The following CACNB2 variants were observed in gnomAD, a reference collection of about 807,000 sequenced individuals.
CACNB2 encodes calcium voltage-gated channel auxiliary subunit beta 2.
Under a neutral mutation model 73.3 loss-of-function variants are expected in CACNB2, and 42 were observed. The ratio of observed to expected loss-of-function variants is 0.57; its 90% CI spans 0.45 to 0.74. CACNB2 has a LOEUF of 0.74. Ranked by LOEUF, CACNB2 falls within the 30% of genes least tolerant of loss-of-function variation. The pLI is 0.00. For missense variants in CACNB2, 940 were observed against 853.0 expected (o/e 1.10, Z -1.27); for synonymous variants, 348 against 310.3 (o/e 1.12, Z -1.28).
Position 18,150,880 on chromosome 10 carries a change from T to TTTTTTTTTTTTTTGA in CACNB2, c.121-3_121-2insTTTTTTTTTTTTTGA. Reference sequence around the variant, plus strand: ...CTTTTTTTTTTTTTTTTTTTTTTTTTAGTCATATGGAAAAGGAGCCAGAAG... The same window carrying TTTTTTTTTTTTTTGA: ...CTTTTTTTTTTTTTTTTTTTTTTTTTTTTTTTTTTTTTTGAAGTCATATGGAAAAGGAGCCAGAAG... On this transcript the variant is annotated splice_polypyrimidine_tract_variant and splice_region_variant and intron_variant, in intron 1 of 13. Coordinates refer to ENST00000324631, the MANE Select transcript of CACNB2 (RefSeq NM_201596.3). The TTTTTTTTTTTTTTGA allele has an allele frequency of 1.5e-6, 2 of 1,300,364 alleles. No homozygotes were observed. The highest frequency in any genetic ancestry group is 2.1e-6 in the Non-Finnish European group (2 of 943,296). The allele number at this position is 1,300,364 out of a possible 1,614,324, so 80.6% of individuals were successfully genotyped here.
At chr10:18,527,040 G>C (rs1278160886) in intron 9 of CACNB2, among the ~76,000 whole-genome samples, 1 of 152,206 alleles carries the variant, frequency 6.6e-6, no homozygotes, top group African/African-American at 2.4e-5. Flanking sequence ...AAAGTGCTCA[G>C]TACTTATCTG....
intron 2 of CACNB2, among the ~76,000 whole-genome samples, chr10:18,191,926 A>C (rs934420745): frequency 2.0e-5 from 3 of 152,076 alleles, no homozygotes; most frequent in Non-Finnish European, 4.4e-5. Context: ...TTTTAATATA[A>C]TGTCTTCTTT....
intron 2 of CACNB2, among the ~76,000 whole-genome samples, chr10:18,381,480 G>GA (rs113722239): frequency 0.03 from 4,532 of 152,084 alleles, 92 homozygotes; most frequent in African/African-American, 0.048. Flanking sequence ...CCGGAGGTCA[G>GA]GAGTCAAGAC....
intron 2 of CACNB2, among the ~76,000 whole-genome samples, chr10:18,396,371 G>A (rs901614208): frequency 2.0e-5 from 3 of 152,200 alleles, no homozygotes; most frequent in African/African-American, 7.2e-5. Context: ...GAAAAGAGAT[G>A]ACAACACCAT....
chr10:18,483,359 C>T (rs2048887406), intron 3 of CACNB2, among the ~76,000 whole-genome samples: 1 of 151,744 alleles, frequency 6.6e-6, no homozygotes, highest in South Asian at 2.1e-4. Flanking sequence ...GGTGAAACCC[C>T]GTTTCTACTA....
intron 3 of CACNB2, among the ~76,000 whole-genome samples, chr10:18,449,531 C>T (rs1002455320): frequency 1.3e-5 from 2 of 152,190 alleles, no homozygotes; most frequent in African/African-American, 2.4e-5. Context: ...TGCTAAGAAC[C>T]GTAGATACTT....
At chr10:18,194,292 C>T (rs1248394561) in intron 2 of CACNB2, among the ~76,000 whole-genome samples, 4 of 152,108 alleles carry the variant, frequency 2.6e-5, no homozygotes, top group Non-Finnish European at 4.4e-5. Context: ...AAATTAGGCC[C>T]CTAGGGCTGT....
At chr10:18,288,712 C>A (rs2038915380) in intron 2 of CACNB2, among the ~76,000 whole-genome samples, 1 of 151,708 alleles carries the variant, frequency 6.6e-6, no homozygotes, top group Non-Finnish European at 1.5e-5. Flanking sequence ...CACAGAGATA[C>A]CCAGTAGATG....
At chr10:18,392,466 A>C (rs1413808378) in intron 2 of CACNB2, among the ~76,000 whole-genome samples, 1 of 152,140 alleles carries the variant, frequency 6.6e-6, no homozygotes, top group Non-Finnish European at 1.5e-5. Context: ...GGTAGGAGGA[A>C]TAGGAGGAAG....
intron 3 of CACNB2, among the ~76,000 whole-genome samples, chr10:18,488,251 G>A (rs1404680129): frequency 2.0e-5 from 3 of 151,146 alleles, no homozygotes; most frequent in African/African-American, 7.3e-5. Context: ...CGAGGTGGGC[G>A]GATCACGAGG....
At chr10:18,509,681 T>C (rs1174640545) in intron 6 of CACNB2, among the ~76,000 whole-genome samples, 2 of 152,028 alleles carry the variant, frequency 1.3e-5, no homozygotes, top group African/African-American at 4.8e-5. Flanking sequence ...TCCCAGCTAC[T>C]TGGGAGGCTG....
At chr10:18,400,461 G>T in intron 2 of CACNB2, 1 of 436,332 alleles carries the variant, frequency 2.3e-6, no homozygotes, top group South Asian at 9.4e-5. Flanking sequence ...GATGTAAAAT[G>T]GCAATTTGAC....
rs150539513 is a variant in CACNB2 at position 18,225,302 on chromosome 10, C to T, written c.213+74327C>T. ...GGGCTAAGCAGCTTAAAAACCACAC[C>T]ACTCACTTCCAGTTTATTAAGTCCC... On this transcript the variant is annotated intron_variant, in intron 2 of 13. Coordinates refer to ENST00000324631, the MANE Select transcript of CACNB2 (RefSeq NM_201596.3). 4.4e-3 allele frequency among the ~76,000 whole-genome samples: 662 copies of T among 152,138 alleles called. 3 individuals are homozygous for T. The highest frequency in any genetic ancestry group is 0.015 in the African/African-American group (633 of 41,510).
At chr10:18,508,024 C>T (rs1323343508) in intron 6 of CACNB2, among the ~76,000 whole-genome samples, 1 of 152,090 alleles carries the variant, frequency 6.6e-6, no homozygotes, top group Non-Finnish European at 1.5e-5. Flanking sequence ...GATCCTCCTC[C>T]TCAGCCTCCC....
In CACNB2 at chr10:18,366,997, A is replaced by G. The variant is rs534562039; in HGVS notation, c.214-34927A>G. On this transcript the variant is annotated intron_variant, in intron 2 of 13. Coordinates refer to ENST00000324631, the MANE Select transcript of CACNB2 (RefSeq NM_201596.3). ...CTGTCATAATGCACTTGAACTTCCT[A>G]TGAAAGGATTTCTTAGCGGACATGC... Among the ~76,000 whole-genome samples, 39 of 152,330 alleles carry G rather than the reference A, an allele frequency of 2.6e-4. No individual in the cohort carries two copies. The South Asian group carries it at 6.8e-3, about 27-fold the overall frequency.
chr10:18,349,934 CTAT>C (rs1321156807), intron 2 of CACNB2, among the ~76,000 whole-genome samples: 1 of 152,082 alleles, frequency 6.6e-6, no homozygotes, highest in Non-Finnish European at 1.5e-5. Flanking sequence ...TGCTTTATAT[CTAT>C]TATTATTATT....
intron 2 of CACNB2, among the ~76,000 whole-genome samples, chr10:18,330,067 C>T (rs938361611): frequency 6.6e-6 from 1 of 152,194 alleles, no homozygotes; most frequent in Non-Finnish European, 1.5e-5. Flanking sequence ...TCTTGAACTC[C>T]TGACCTCAAG....
At chr10:18,163,905 C>T (rs572807669) in intron 2 of CACNB2, among the ~76,000 whole-genome samples, 1 of 152,184 alleles carries the variant, frequency 6.6e-6, no homozygotes, top group African/African-American at 2.4e-5. Context: ...AGAAGCAGTG[C>T]TTTCACTCAT....
At chr10:18,310,492 C>A (rs2039915599) in intron 2 of CACNB2, among the ~76,000 whole-genome samples, 1 of 149,148 alleles carries the variant, frequency 6.7e-6, no homozygotes, top group African/African-American at 2.5e-5. Flanking sequence ...GTAATCCCAG[C>A]TACTCAGGAG....
Sources: allele counts gnomAD v4.1 joint callset (sites outside exome capture counted in the v4.1 genomes callset), GRCh38; gene constraint gnomAD v4.1.1; transcripts MANE v1.5; gene names NCBI Gene and HGNC (gene_info 2026-07-23, HGNC 2026-07-21).